Variants in OSBPL8 observed in about 807,000 individuals in gnomAD.
OSBPL8 encodes the protein oxysterol-binding protein-related protein 8.
OSBPL8 carries 59 observed loss-of-function variants against 125.5 expected under a neutral mutation model. The ratio of observed to expected loss-of-function variants is 0.47; its 90% CI spans 0.38 to 0.58. The LOEUF (loss-of-function observed/expected upper bound fraction) is 0.58. OSBPL8 is among the 20% of genes least tolerant of loss of function. The pLI, the probability that OSBPL8 is intolerant of heterozygous loss-of-function variation, is 0.00. For synonymous variants in OSBPL8, 330 were observed against 338.9 expected, an observed-to-expected ratio of 0.97 and a Z score of 0.29; for missense variants, 758 against 1,047.8, an observed-to-expected ratio of 0.72 and a Z score of 3.82.
chr12:76,475,672 T>G (rs1311443102), intron 2 of OSBPL8, among the ~76,000 whole-genome samples: 2 of 152,000 alleles, frequency 1.3e-5, no homozygotes, highest in Non-Finnish European at 1.5e-5. Flanking sequence ...ACTAGTGAGG[T>G]AACAAGTCCC....
intron 3 of OSBPL8, among the ~76,000 whole-genome samples, chr12:76,455,590 T>C (rs1873938417): frequency 6.6e-6 from 1 of 152,152 alleles, no homozygotes; most frequent in African/African-American, 2.4e-5. Flanking sequence ...GTAACAAGAA[T>C]ATGCAGAAAC....
At chr12:76,497,193 A>ATT (rs60754492) in intron 1 of OSBPL8, among the ~76,000 whole-genome samples, 19 of 144,744 alleles carry the variant, frequency 1.3e-4, no homozygotes, top group African/African-American at 2.8e-4. Context: ...GAATCAGCAA[A>ATT]TTTTTTTTTT....
Position 76,352,294 on chromosome 12 carries a change from G to T in OSBPL8, c.*3595C>A, listed in dbSNP as rs1951852724. 6.6e-6 allele frequency: 1 copy of T among 152,312 alleles called. No individual in the cohort carries two copies. 9.4% of individuals were successfully genotyped at this position (152,312 alleles called of 1,614,324 possible). A position where few individuals can be genotyped will look rare whatever the true frequency, so the allele number is the denominator to read the frequency against. On this transcript the variant is annotated 3_prime_UTR_variant, in exon 24 of 24. Transcript: ENST00000261183. The stretch of plus-strand genomic sequence containing the variant: ...TAGAAAGAATATTCACATTCATTTT[G>T]TCATGGGTTTCACGTGGCTCTTCTA...
chr12:76,390,772 T>G, intron 10 of OSBPL8, 115 bp from the exon 11 acceptor site: 1 of 674,786 alleles, frequency 1.5e-6, no homozygotes, highest in Non-Finnish European at 2.5e-6. Context: ...GACAGTGTTC[T>G]AAGTGTTTTA....
chr12:76,480,732 G>A (rs1877382316), intron 2 of OSBPL8, among the ~76,000 whole-genome samples: 1 of 152,134 alleles, frequency 6.6e-6, no homozygotes, highest in South Asian at 2.1e-4. Context: ...CACAGACTTT[G>A]GGTTATCCAA....
At position 76,519,316 on chromosome 12, in the gene OSBPL8, C is replaced by T. The variant is rs540550513; in HGVS notation, c.-67-31698G>A. ...GCAAAAGGGTGACCTTTACTCCAGT[C>T]CCCAACAAGTTCCTCATTTCCATCT... On this transcript the variant is annotated intron_variant, in intron 1 of 23. Coordinates refer to ENST00000261183, the MANE Select transcript of OSBPL8 (RefSeq NM_020841.5). 3.3e-5 allele frequency among the ~76,000 whole-genome samples: 5 copies of T among 152,296 alleles called. No individual in the cohort carries two copies. The East Asian group carries it at 5.8e-4, about 18-fold the overall frequency.
intron 4 of OSBPL8, among the ~76,000 whole-genome samples, chr12:76,420,121 G>A (rs1326234057): frequency 6.6e-6 from 1 of 151,992 alleles, no homozygotes; most frequent in African/African-American, 2.4e-5. Flanking sequence ...CAAATTTTAT[G>A]TTGCGTCAGT....
At chr12:76,459,918 C>T (rs919279326) in intron 2 of OSBPL8, 23 bp from the exon 3 acceptor site, 2 of 1,613,026 alleles carry the variant, frequency 1.2e-6, no homozygotes, top group African/African-American at 1.3e-5. Context: ...GGTAATTGAG[C>T]AGCAAACAAA....
intron 1 of OSBPL8, among the ~76,000 whole-genome samples, chr12:76,531,691 T>C (rs1302124696): frequency 1.3e-5 from 2 of 152,108 alleles, no homozygotes; most frequent in African/African-American, 2.4e-5. Flanking sequence ...CTTGAAGGTA[T>C]AGTAATTGTT....
chr12:76,453,807 A>C (rs1873700304), intron 3 of OSBPL8, among the ~76,000 whole-genome samples: 1 of 152,166 alleles, frequency 6.6e-6, no homozygotes, highest in Admixed American at 6.5e-5. Context: ...AATTAACAAA[A>C]GGTTGGTACC....
At chr12:76,445,333 TC>T (rs1336456553) in intron 4 of OSBPL8, among the ~76,000 whole-genome samples, 1 of 152,168 alleles carries the variant, frequency 6.6e-6, no homozygotes, top group Non-Finnish European at 1.5e-5. Context: ...GGCAAAACTT[TC>T]TTTAATAGGA....
chr12:76,418,433 G>A (rs141256879), intron 4 of OSBPL8, among the ~76,000 whole-genome samples: 74 of 152,226 alleles, frequency 4.9e-4, no homozygotes, highest in African/African-American at 1.7e-3. Flanking sequence ...TCATTAAGTA[G>A]CTAAGTGAGG....
At chr12:76,410,870 C>T (rs939812512) in intron 4 of OSBPL8, among the ~76,000 whole-genome samples, 2 of 152,128 alleles carry the variant, frequency 1.3e-5, no homozygotes, top group Non-Finnish European at 2.9e-5. Flanking sequence ...CTCTTCTTTG[C>T]TCCTGCAGAA....
At chr12:76,464,466 T>A (rs1213667854) in intron 2 of OSBPL8, among the ~76,000 whole-genome samples, 2 of 152,204 alleles carry the variant, frequency 1.3e-5, no homozygotes, top group African/African-American at 2.4e-5. Context: ...TTTATAGCCA[T>A]TACCCAAATA....
intron 1 of OSBPL8, among the ~76,000 whole-genome samples, chr12:76,555,636 T>C (rs1325869298): frequency 6.6e-6 from 1 of 152,224 alleles, no homozygotes; most frequent in East Asian, 1.9e-4. Context: ...TATATAACTT[T>C]GTTCTCCCAA....
At chr12:76,492,460 C>T (rs979221843) in intron 1 of OSBPL8, among the ~76,000 whole-genome samples, 6 of 152,142 alleles carry the variant, frequency 3.9e-5, no homozygotes, top group Non-Finnish European at 8.8e-5. Context: ...CAGACTGATA[C>T]GGGTCTGTGG....
chr12:76,490,535 C>G (rs1437405771), intron 1 of OSBPL8, among the ~76,000 whole-genome samples: 2 of 152,260 alleles, frequency 1.3e-5, no homozygotes, highest in Non-Finnish European at 2.9e-5. Flanking sequence ...GAAGGCTGGG[C>G]TTCAGGGAAA....
chr12:76,362,308 C>CCAG (rs10653516), intron 21 of OSBPL8, among the ~76,000 whole-genome samples: 148,842 of 151,952 alleles, frequency 0.98, 72,980 homozygotes, highest in Middle Eastern at 1. Context: ...CAAACCGAAT[C>CCAG]CAGCACATCA....
intron 4 of OSBPL8, among the ~76,000 whole-genome samples, chr12:76,448,707 A>C (rs1176321789): frequency 1.3e-5 from 2 of 152,324 alleles, no homozygotes; most frequent in Non-Finnish European, 1.5e-5. Flanking sequence ...TGACTAGATA[A>C]ACATTTTCTA....
Sources: gnomAD v4.1 joint callset for allele counts (sites outside exome capture counted in the v4.1 genomes callset) on GRCh38, gnomAD v4.1.1 for gene constraint, MANE v1.5 for transcripts, NCBI Gene and HGNC (gene_info 2026-07-23, HGNC 2026-07-21) for gene names.